Variants in MYO1B observed in about 807,000 individuals in gnomAD.
The protein encoded by MYO1B is myosin IB.
In MYO1B, 72 loss-of-function variants were observed where a neutral mutation model predicts 159.7. The observed-to-expected ratio is 0.45, with a 90% CI of 0.37 to 0.55. The LOEUF (loss-of-function observed/expected upper bound fraction) is 0.55. Ranked by LOEUF, MYO1B falls within the 20% of genes least tolerant of loss-of-function variation. The pLI is 0.00. For missense variants in MYO1B, 1,062 were observed against 1,364.8 expected, an observed-to-expected ratio of 0.78 and a Z score of 3.50; for synonymous variants, 468 against 473.8, an observed-to-expected ratio of 0.99 and a Z score of 0.16.
At position 191,416,205 on chromosome 2, in the gene MYO1B, C is replaced by G; in HGVS notation, c.3250C>G (p.Gln1084Glu). Residue 1084 changes from glutamine (Q) to glutamate (E), a missense_variant, in exon 30 of 31, where the codon CAA (glutamine) becomes GAA (glutamate). Physicochemically the swap from Gln to Glu is conservative, Grantham distance 29. This residue lies in a region of MYO1B where 609 missense variants were observed against 744.4 expected (regional missense o/e 0.82). Coordinates refer to ENST00000392318, the MANE Select transcript of MYO1B (RefSeq NM_001130158.3). The part of the protein sequence containing the change: ...ATKLYRTTLS[Q>E]TKQKLNIEIS... ...CAAGCTCTATCGCACAACTCTCAGCCAAACCAAACAGAAGCTCAATATTGA... is the reference window on the plus strand; with the variant it reads ...CAAGCTCTATCGCACAACTCTCAGCGAAACCAAACAGAAGCTCAATATTGA... 6.2e-7 allele frequency: 1 copy of G among 1,614,166 alleles called. No individual in the cohort carries two copies. Among genetic ancestry groups the G allele is most frequent in the Non-Finnish European group, 8.5e-7 (1 of 1,180,036 alleles).
intron 5 of MYO1B, among the ~76,000 whole-genome samples, chr2:191,342,507 T>C (rs538856708): frequency 9.2e-5 from 14 of 152,128 alleles, no homozygotes; most frequent in Admixed American, 3.9e-4. Context: ...TACCTTGGCA[T>C]TGGAAACAGT....
At chr2:191,327,089 C>T (rs1233085203) in intron 3 of MYO1B, among the ~76,000 whole-genome samples, 1 of 152,018 alleles carries the variant, frequency 6.6e-6, no homozygotes, top group Admixed American at 6.6e-5. Flanking sequence ...GAGGAAGGCT[C>T]ATAAAAAAAT....
intron 11 of MYO1B, among the ~76,000 whole-genome samples, chr2:191,365,419 T>C (rs371652891): frequency 6.6e-5 from 10 of 152,332 alleles, no homozygotes; most frequent in Non-Finnish European, 1.0e-4. Context: ...TGATATCTTA[T>C]TTTAGGTGAG....
intron 3 of MYO1B, among the ~76,000 whole-genome samples, chr2:191,323,871 A>T (rs971874934): frequency 2.0e-5 from 3 of 152,154 alleles, no homozygotes; most frequent in African/African-American, 7.2e-5. Context: ...GGATATAAGA[A>T]TGTAAATGAA....
In MYO1B at chr2:191,385,922, C is replaced by T. The variant is rs1289095186; in HGVS notation, c.1392C>T (p.Cys464=). 6.2e-7 allele frequency: 1 copy of T among 1,614,036 alleles called. No individual in the cohort carries two copies. The highest frequency in any genetic ancestry group is 8.5e-7 in the Non-Finnish European group (1 of 1,180,006). ...TCCTGGCCATGCTGGATGAAGAGTG[C>T]CTCAGACCTGGCACAGTCACTGATG... ...NGILAMLDEE[C]LRPGTVTDET... is the part of the protein sequence containing the mutation. Residue 464 remains cysteine (C), a synonymous_variant, in exon 16 of 31, where the codon TGC becomes TGT. Coordinates refer to ENST00000392318, the MANE Select transcript of MYO1B (RefSeq NM_001130158.3).
chr2:191,419,938 C>G (rs117851402), intron 30 of MYO1B, among the ~76,000 whole-genome samples: 5 of 152,140 alleles, frequency 3.3e-5, no homozygotes, highest in African/African-American at 1.2e-4. Flanking sequence ...CAGTGGCTCA[C>G]GCCTGTAATC....
intron 13 of MYO1B, among the ~76,000 whole-genome samples, chr2:191,378,908 G>A (rs921580587): frequency 1.3e-5 from 2 of 152,124 alleles, no homozygotes. Context: ...GTGATAGCCT[G>A]GATGGCATGT....
chr2:191,287,074 A>G (rs563680895), intron 2 of MYO1B, among the ~76,000 whole-genome samples: 3 of 152,350 alleles, frequency 2.0e-5, no homozygotes, highest in East Asian at 3.9e-4. Flanking sequence ...ACAGTAGCCA[A>G]TAGATTCCAG....
chr2:191,421,049 A>G (rs1414098610), intron 30 of MYO1B, among the ~76,000 whole-genome samples: 3 of 149,348 alleles, frequency 2.0e-5, no homozygotes, highest in African/African-American at 7.4e-5. Context: ...TATCTTGCCT[A>G]TTGTTATTTC....
At chr2:191,287,486 C>T (rs888941668) in intron 2 of MYO1B, among the ~76,000 whole-genome samples, 6 of 151,088 alleles carry the variant, frequency 4.0e-5, no homozygotes, top group Non-Finnish European at 5.9e-5. Flanking sequence ...GCCAAGATCG[C>T]GCCATTGTAC....
chr2:191,296,107 G>T lies in MYO1B; in HGVS notation c.136-4G>T. 6.5e-7 allele frequency: 1 copy of T among 1,540,822 alleles called. No individual in the cohort carries two copies. The highest frequency in any genetic ancestry group is 8.9e-7 in the Non-Finnish European group (1 of 1,124,416). On this transcript the variant is annotated splice_region_variant and splice_polypyrimidine_tract_variant and intron_variant, in intron 2 of 30. Coordinates refer to ENST00000392318, the MANE Select transcript of MYO1B (RefSeq NM_001130158.3). The stretch of plus-strand genomic sequence containing the variant: ...ATGGGCATGTTTTGTTCTTTCTTTT[G>T]CAGACATACATTGGAAGTGTGGTTA...
chr2:191,402,282 C>CAA, intron 23 of MYO1B: 1 of 290,934 alleles, frequency 3.4e-6, no homozygotes, highest in South Asian at 3.6e-5. Context: ...GGCTGTTACT[C>CAA]AGAGTTTGAA....
chr2:191,358,842 A>G (rs992781800), intron 7 of MYO1B, among the ~76,000 whole-genome samples: 1 of 152,230 alleles, frequency 6.6e-6, no homozygotes, highest in Admixed American at 6.5e-5. Context: ...AGCCAAGAAC[A>G]TGTGTGACTT....
At chr2:191,346,201 T>G (rs781091430) in intron 5 of MYO1B, 35 bp from the exon 6 acceptor site, 1 of 1,477,274 alleles carries the variant, frequency 6.8e-7, no homozygotes, top group Non-Finnish European at 9.2e-7. Context: ...ATTATTATTA[T>G]TTTTTTAACC....
rs536971668 is a variant in MYO1B at position 191,359,734 on chromosome 2, C to T, written c.563-897C>T. Among the ~76,000 whole-genome samples, 73 of 152,260 alleles carry T rather than the reference C, an allele frequency of 4.8e-4. No homozygotes were observed. In the Middle Eastern group the frequency reaches 0.017, roughly 35 times the overall value. ...TTAGATTGCAGCCTGATTAGGGGGA[C>T]GTGAAATTTGTGTGTTCTCTAGAAT... On this transcript the variant is annotated intron_variant, in intron 7 of 30. Transcript: ENST00000392318.
chr2:191,387,877 C>T (rs1422323108), intron 17 of MYO1B: 3 of 222,538 alleles, frequency 1.3e-5, no homozygotes, highest in Non-Finnish European at 2.7e-5. Context: ...TAGTTAACTG[C>T]TCTGGCACTT....
At chr2:191,254,502 G>A (rs896357445) in intron 1 of MYO1B, among the ~76,000 whole-genome samples, 15 of 151,240 alleles carry the variant, frequency 9.9e-5, no homozygotes, top group African/African-American at 2.9e-4. Context: ...GAGCCACCGC[G>A]CCCGGCCTCT....
chr2:191,301,170 C>T, intron 3 of MYO1B, among the ~76,000 whole-genome samples: 1 of 152,162 alleles, frequency 6.6e-6, no homozygotes, highest in East Asian at 1.9e-4. Context: ...GCCTATACCA[C>T]CATTTGCTTT....
At chr2:191,329,865 G>A (rs191794148) in intron 3 of MYO1B, 70 bp from the exon 4 acceptor site, 89 of 1,321,734 alleles carry the variant, frequency 6.7e-5, no homozygotes, top group Admixed American at 2.5e-4. Flanking sequence ...TAAGGAGCTT[G>A]TAGTTCCATC....
Sources: gnomAD v4.1 joint callset for allele counts (sites outside exome capture counted in the v4.1 genomes callset) on GRCh38, gnomAD v4.1.1 for gene constraint, gnomAD v4.1.1 regional missense constraint, MANE v1.5 for transcripts, NCBI Gene and HGNC (gene_info 2026-07-23, HGNC 2026-07-21) for gene names.